The following CSTPP1 variants were observed in gnomAD, a reference collection of about 807,000 sequenced individuals.
CSTPP1 encodes centriolar satellite-associated tubulin polyglutamylase complex regulator 1.
chr11:46,936,945 G>C, the CSTPP1 span: 1 of 1,316,426 alleles, frequency 7.6e-7, no homozygotes, highest in Non-Finnish European at 9.9e-7. Flanking sequence ...GAGTGGGATC[G>C]GGTCCGGGTG....
the CSTPP1 span, among the ~76,000 whole-genome samples, chr11:46,945,313 G>A: frequency 2.0e-5 from 3 of 152,164 alleles, no homozygotes; most frequent in East Asian, 3.9e-4. Context: ...CATAAAACTG[G>A]TCACTTTGAA....
the CSTPP1 span, among the ~76,000 whole-genome samples, chr11:47,065,176 C>T: frequency 1.3e-5 from 2 of 151,928 alleles, no homozygotes; most frequent in Non-Finnish European, 2.9e-5. Context: ...ATTGGAATAC[C>T]ATTGGAATTT....
At chr11:47,006,040 G>C in the CSTPP1 span, among the ~76,000 whole-genome samples, 1 of 152,032 alleles carries the variant, frequency 6.6e-6, no homozygotes, top group Non-Finnish European at 1.5e-5. Context: ...TACCTTTTTA[G>C]AATGTGTGTG....
At chr11:47,040,114 C>T in the CSTPP1 span, among the ~76,000 whole-genome samples, 1 of 127,976 alleles carries the variant, frequency 7.8e-6, no homozygotes, top group Non-Finnish European at 1.9e-5. Flanking sequence ...GTTAACATCC[C>T]CAGTAATTAG....
chr11:47,134,963 G>A, the CSTPP1 span, among the ~76,000 whole-genome samples: 2 of 152,014 alleles, frequency 1.3e-5, no homozygotes, highest in Admixed American at 6.6e-5. Flanking sequence ...TTTTAAATGC[G>A]CAGGGTGTGG....
At chr11:46,961,408 G>A in the CSTPP1 span, among the ~76,000 whole-genome samples, 1 of 152,158 alleles carries the variant, frequency 6.6e-6, no homozygotes, top group South Asian at 2.1e-4. Context: ...TTTTTAATTG[G>A]GTTGAGGTTA....
the CSTPP1 span, among the ~76,000 whole-genome samples, chr11:46,962,119 T>C: frequency 6.6e-6 from 1 of 152,172 alleles, no homozygotes; most frequent in African/African-American, 2.4e-5. Context: ...ACCCCCATGA[T>C]TCAGTTACCC....
the CSTPP1 span, among the ~76,000 whole-genome samples, chr11:47,141,774 A>T: frequency 2.0e-5 from 3 of 151,784 alleles, no homozygotes; most frequent in African/African-American, 7.3e-5. Flanking sequence ...CTCTACTAAA[A>T]ATACAAAACT....
the CSTPP1 span, among the ~76,000 whole-genome samples, chr11:47,092,080 G>C: frequency 6.6e-6 from 1 of 152,102 alleles, no homozygotes. Flanking sequence ...CTTTCTCCTT[G>C]TATTTTTCCT....
the CSTPP1 span, among the ~76,000 whole-genome samples, chr11:47,069,905 G>A: frequency 6.6e-6 from 1 of 152,076 alleles, no homozygotes; most frequent in South Asian, 2.1e-4. Context: ...GTAGAGACGG[G>A]GGTTTCACCA....
chr11:46,949,721 G>A, the CSTPP1 span, among the ~76,000 whole-genome samples: 3 of 149,762 alleles, frequency 2.0e-5, no homozygotes, highest in Admixed American at 6.7e-5. Flanking sequence ...AGGCTGGAGT[G>A]CAATGGCACA....
At chr11:47,006,260 A>G in the CSTPP1 span, among the ~76,000 whole-genome samples, 1 of 152,124 alleles carries the variant, frequency 6.6e-6, no homozygotes, top group African/African-American at 2.4e-5. Flanking sequence ...TTTTCCTGAG[A>G]TAAATTCTAG....
the CSTPP1 span, among the ~76,000 whole-genome samples, chr11:47,141,320 T>C: frequency 2.6e-5 from 4 of 152,034 alleles, no homozygotes; most frequent in African/African-American, 9.7e-5. Context: ...TCTGTAGATT[T>C]ATCCACTGGG....
At chr11:47,044,707 G>A in the CSTPP1 span, among the ~76,000 whole-genome samples, 1 of 152,032 alleles carries the variant, frequency 6.6e-6, no homozygotes, top group African/African-American at 2.4e-5. Flanking sequence ...AGGATTGCTT[G>A]AGGACCAGCC....
chr11:46,939,176 C>T, the CSTPP1 span, among the ~76,000 whole-genome samples: 3 of 150,632 alleles, frequency 2.0e-5, no homozygotes, highest in East Asian at 2.0e-4. Flanking sequence ...CCCCAACCTC[C>T]GCCTCCTGGG....
the CSTPP1 span, chr11:47,159,603 G>A: frequency 2.4e-5 from 11 of 456,150 alleles, no homozygotes; most frequent in East Asian, 1.4e-4. Context: ...CATACTCCTC[G>A]TTATGACCAC....
the CSTPP1 span, among the ~76,000 whole-genome samples, chr11:47,070,154 T>G: frequency 6.6e-6 from 1 of 151,424 alleles, no homozygotes; most frequent in Non-Finnish European, 1.5e-5. Flanking sequence ...AGCCCAGGAG[T>G]TGGAGAACAT....
chr11:47,145,387 C>T, the CSTPP1 span, among the ~76,000 whole-genome samples: 14 of 151,928 alleles, frequency 9.2e-5, no homozygotes, highest in African/African-American at 3.1e-4. Context: ...GTCAGGAGTT[C>T]GAGACCAGCC....
At chr11:47,079,330 A>G in the CSTPP1 span, among the ~76,000 whole-genome samples, 1 of 152,210 alleles carries the variant, frequency 6.6e-6, no homozygotes, top group Non-Finnish European at 1.5e-5. Context: ...TCATTGTGGG[A>G]TTAGAATATA....
Sources: gnomAD v4.1 joint callset for allele counts (sites outside exome capture counted in the v4.1 genomes callset) on GRCh38, gnomAD v4.1.1 for gene constraint, MANE v1.5 for transcripts, NCBI Gene and HGNC (gene_info 2026-07-23, HGNC 2026-07-21) for gene names.